TMC5: variants seen among roughly 807,000 people sequenced by gnomAD.
The protein encoded by TMC5 is transmembrane channel like 5.
Under a neutral mutation model 110.5 loss-of-function variants are expected in TMC5, and 86 were observed. The ratio of observed to expected loss-of-function variants is 0.78; its 90% CI spans 0.65 to 0.93. The LOEUF (loss-of-function observed/expected upper bound fraction) is 0.93, where lower values mean the gene tolerates loss of function less well. TMC5 is among the 40% of genes least tolerant of loss of function. The probability of loss-of-function intolerance (pLI) is 0.00; values close to 1 mark genes in which losing one functional copy is unlikely to be tolerated. For synonymous variants in TMC5, 455 were observed against 439.5 expected (o/e 1.04, Z -0.44); for missense variants, 1,144 against 1,222.8 (o/e 0.94, Z 0.96).
Position 19,440,098 on chromosome 16 carries a change from AG to A in TMC5, c.63del (p.Ser22LeufsTer9). On this transcript the variant is annotated frameshift_variant, in exon 3 of 22. Transcript: ENST00000542583. LOFTEE classifies it high-confidence loss of function. ...EEDPDYPDYS[G>X]SQNRTQGYLK... ...AAGACCCAGATTACCCTGACTATTC[AG>A]GGTCTCAGAACCGTACGCAGGGGTA... 1 of 1,614,130 alleles carries A rather than the reference AG, an allele frequency of 6.2e-7. No individual in the cohort carries two copies. Among genetic ancestry groups the A allele is most frequent in the Non-Finnish European group, 8.5e-7 (1 of 1,179,994 alleles).
chr16:19,452,189 C>T (rs74246696), intron 5 of TMC5, among the ~76,000 whole-genome samples: 10,824 of 152,226 alleles, frequency 0.071, 772 homozygotes, highest in African/African-American at 0.19. Context: ...CACAGAACTT[C>T]GGGAAACTTA....
chr16:19,497,251 A>G (rs2187659), intron 21 of TMC5, 88 bp downstream of exon 21: 972,779 of 1,371,866 alleles, frequency 0.71, 352,277 homozygotes, highest in South Asian at 0.78. Flanking sequence ...TCATGTGTCC[A>G]TTACTTTTTC....
chr16:19,441,520 C>T (rs769858827), intron 3 of TMC5, among the ~76,000 whole-genome samples: 3 of 151,852 alleles, frequency 2.0e-5, no homozygotes, highest in Non-Finnish European at 4.4e-5. Flanking sequence ...GGTGTTTTGC[C>T]ATGTTGCCCA....
chr16:19,473,342 G>T (rs1014461352), intron 11 of TMC5, among the ~76,000 whole-genome samples: 2 of 60,440 alleles, frequency 3.3e-5, no homozygotes, highest in Admixed American at 2.7e-4. Flanking sequence ...CGAGACTCCG[G>T]CTCAAAAAAA....
At chr16:19,439,220 G>A (rs1967424818) in intron 2 of TMC5, among the ~76,000 whole-genome samples, 3 of 152,248 alleles carry the variant, frequency 2.0e-5, no homozygotes, top group South Asian at 4.1e-4. Flanking sequence ...GTATCCTGTG[G>A]TCTGTGGATC....
At chr16:19,446,435 A>G (rs141675548) in intron 4 of TMC5, among the ~76,000 whole-genome samples, 2 of 152,376 alleles carry the variant, frequency 1.3e-5, no homozygotes, top group African/African-American at 4.8e-5. Flanking sequence ...ATTGAGACAT[A>G]CTGTGCTACT....
Position 19,472,421 on chromosome 16 carries a change from A to T in TMC5, c.1938+178A>T, listed in dbSNP as rs553524663. Among the ~76,000 whole-genome samples, 19 of 152,222 alleles carry T rather than the reference A, an allele frequency of 1.2e-4. No individual in the cohort carries two copies. The East Asian group carries it at 3.7e-3, about 29-fold the overall frequency. ...CACAGTGGCTTACACCTGTAATCCC[A>T]ACACTCTGGGAGGCCGAGGCAGGAG... On this transcript the variant is annotated intron_variant, in intron 11 of 21. Transcript: ENST00000542583.
In TMC5 at chr16:19,498,998, T is replaced by C. The variant is rs1597227315; in HGVS notation, c.*1032T>C. 6.6e-6 allele frequency: 1 copy of C among 151,962 alleles called. No individual in the cohort carries two copies. Among genetic ancestry groups the C allele is most frequent in the Non-Finnish European group, 1.5e-5 (1 of 68,044 alleles). 9.4% of individuals were successfully genotyped at this position (151,962 alleles called of 1,614,324 possible). A position where few individuals can be genotyped will look rare whatever the true frequency, so the allele number is the denominator to read the frequency against. On this transcript the variant is annotated 3_prime_UTR_variant, in exon 22 of 22. Transcript: ENST00000542583. ...ATTGCTTGAACCTGGGAGGCAGAGGTTGCAGTGAGGCGAGATTGTACCACT... is the reference window on the plus strand; with the variant it reads ...ATTGCTTGAACCTGGGAGGCAGAGGCTGCAGTGAGGCGAGATTGTACCACT...
In TMC5 at chr16:19,460,142, CT is replaced by C. The variant is rs2143564874; in HGVS notation, c.1049-91del. 7 of 873,894 alleles carry C rather than the reference CT, an allele frequency of 8.0e-6. No homozygotes were observed. In the South Asian group the frequency reaches 1.2e-4, roughly 15 times the overall value. The allele number at this position is 873,894 out of a possible 1,614,324, so 54.1% of individuals were successfully genotyped here. Reference sequence around the variant, plus strand: ...ATCCCCAACTCCATAAACTTCTTCCCTTGTGTTACGTGCTCTGACTTCAGCA... The same window carrying C: ...ATCCCCAACTCCATAAACTTCTTCCCTGTGTTACGTGCTCTGACTTCAGCA... On this transcript the variant is annotated intron_variant, in intron 5 of 21. Coordinates refer to ENST00000542583, the MANE Select transcript of TMC5 (RefSeq NM_001261841.2).
intron 17 of TMC5, chr16:19,487,713 A>C (rs1597215847): frequency 9.3e-6 from 1 of 107,030 alleles, no homozygotes; most frequent in South Asian, 2.4e-4. Context: ...ATAAATAAAT[A>C]AATAAATAAA....
At chr16:19,468,368 A>G (rs1365784161) in intron 9 of TMC5, among the ~76,000 whole-genome samples, 1 of 152,116 alleles carries the variant, frequency 6.6e-6, no homozygotes, top group Non-Finnish European at 1.5e-5. Context: ...GTGTGTGCTC[A>G]GGGCTTCCTG....
intron 20 of TMC5, among the ~76,000 whole-genome samples, chr16:19,496,841 G>T (rs931492489): frequency 4.4e-5 from 6 of 135,332 alleles, no homozygotes; most frequent in Admixed American, 4.2e-4. Context: ...AGTGAGCCGA[G>T]ATCATGCCAT....
rs1461111851 is a variant in TMC5 at position 19,430,611 on chromosome 16, G to C, written c.-109G>C. ...TTTGCACAACATTTGCATCTACTTG[G>C]GACAAAGCAAGAACAATAAGGGCAA... is the stretch of plus-strand genomic sequence containing the variant. On this transcript the variant is annotated 5_prime_UTR_variant, in exon 2 of 22. Coordinates refer to ENST00000542583, the MANE Select transcript of TMC5 (RefSeq NM_001261841.2). 1 of 152,236 alleles carries C rather than the reference G, an allele frequency of 6.6e-6. No homozygotes were observed. The highest frequency in any genetic ancestry group is 1.5e-5 in the Non-Finnish European group (1 of 68,038). The allele number at this position is 152,236 out of a possible 1,614,324, so 9.4% of individuals were successfully genotyped here. A position where few individuals can be genotyped will look rare whatever the true frequency, so the allele number is the denominator to read the frequency against.
chr16:19,450,298 A>C (rs1697364533), intron 5 of TMC5, among the ~76,000 whole-genome samples: 2 of 152,230 alleles, frequency 1.3e-5, no homozygotes, highest in African/African-American at 4.8e-5. Context: ...AAACTTAAAG[A>C]AATGAAAGTA....
intron 6 of TMC5, among the ~76,000 whole-genome samples, chr16:19,462,917 AAAGG>A (rs1968064052): frequency 6.6e-6 from 1 of 151,762 alleles, no homozygotes; most frequent in African/African-American, 2.4e-5. Context: ...AAAAAAAGAA[AAAGG>A]AAGAAAGAAA....
upstream of TMC5, among the ~76,000 whole-genome samples, chr16:19,414,474 C>T (rs1280183182): frequency 6.6e-6 from 1 of 152,194 alleles, no homozygotes; most frequent in Non-Finnish European, 1.5e-5. Flanking sequence ...ATTTCTCCCT[C>T]TCCTCCTGGG....
intron 10 of TMC5, among the ~76,000 whole-genome samples, chr16:19,471,342 C>T (rs532470776): frequency 2.0e-5 from 3 of 152,144 alleles, no homozygotes; most frequent in Admixed American, 6.5e-5. Context: ...CCTCCCACCT[C>T]GGCCTCCCAA....
chr16:19,421,460 T>C (rs1353267246), intron 1 of TMC5, among the ~76,000 whole-genome samples: 2 of 152,156 alleles, frequency 1.3e-5, no homozygotes, highest in African/African-American at 4.8e-5. Context: ...TGCCGCCATG[T>C]AAGATGTGCC....
At chr16:19,496,218 A>C (rs992137622) in intron 20 of TMC5, among the ~76,000 whole-genome samples, 2 of 152,148 alleles carry the variant, frequency 1.3e-5, no homozygotes, top group African/African-American at 4.8e-5. Context: ...AAGCACGTAC[A>C]TGACAATGTT....
Sources: gnomAD v4.1 joint callset for allele counts (sites outside exome capture counted in the v4.1 genomes callset) on GRCh38, gnomAD v4.1.1 for gene constraint, MANE v1.5 for transcripts, NCBI Gene and HGNC (gene_info 2026-07-23, HGNC 2026-07-21) for gene names.